Variants in PEAK1 observed in about 807,000 individuals in gnomAD.
PEAK1 encodes inactive tyrosine-protein kinase PEAK1.
In PEAK1, 54 loss-of-function variants were observed where a neutral mutation model predicts 124.7. The ratio of observed to expected loss-of-function variants is 0.43; its 90% CI spans 0.35 to 0.54. PEAK1 has a LOEUF of 0.54. Ranked by LOEUF, PEAK1 falls within the 20% of genes least tolerant of loss-of-function variation. The pLI is 0.01. For synonymous variants in PEAK1, 719 were observed against 760.0 expected (o/e 0.95, Z 0.89); for missense variants, 2,046 against 2,134.5 (o/e 0.96, Z 0.82).
In PEAK1 at chr15:77,180,544, A is replaced by G. The variant is rs754527282; in HGVS notation, c.1383T>C (p.Pro461=). ...NLVPTEEQAK[P]YRVVNLEQPL... is the part of the protein sequence containing the mutation. ...GCTGTTCCAGGTTCACAACTCGGTA[A>G]GGTTTTGCTTGCTCTTCTGTGGGGA... is the stretch of plus-strand genomic sequence containing the variant. Residue 461 remains proline (P), a synonymous_variant, in exon 7 of 10, where the codon CCT becomes CCC. Coordinates refer to ENST00000682557, the MANE Select transcript of PEAK1 (RefSeq NM_001385026.1). 1 of 1,614,000 alleles carries G rather than the reference A, an allele frequency of 6.2e-7. No homozygotes were observed. Among genetic ancestry groups the G allele is most frequent in the Non-Finnish European group, 8.5e-7 (1 of 1,180,012 alleles).
chr15:77,336,460 C>T (rs979686786), intron 2 of PEAK1: 2 of 985,260 alleles, frequency 2.0e-6, no homozygotes, highest in African/African-American at 1.7e-5. Flanking sequence ...ATTATTCACA[C>T]ATAAATAATT....
At chr15:77,196,138 G>T (rs2058091687) in intron 6 of PEAK1, among the ~76,000 whole-genome samples, 1 of 152,218 alleles carries the variant, frequency 6.6e-6, no homozygotes. Flanking sequence ...ATGGGTGAAG[G>T]ACAGATCAAA....
At position 77,180,896 on chromosome 15, in the gene PEAK1, G is replaced by C. The variant is rs1332466638; in HGVS notation, c.1031C>G (p.Pro344Arg). Reference sequence around the variant, plus strand: ...TGATTCTTCTGTTAAAGAAGAATCTGGTGATGTGGAGTCAGATGACACCAT... The same window carrying C: ...TGATTCTTCTGTTAAAGAAGAATCTCGTGATGTGGAGTCAGATGACACCAT... ...QSMVSSDSTS[P>R]DSSLTEESRS... The change falls in exon 7 of 10, where the codon CCA becomes CGA. Residue 344 changes from proline (P) to arginine (R), a missense_variant. Physicochemically the swap from Pro to Arg is moderately radical, Grantham distance 103. Coordinates refer to ENST00000682557, the MANE Select transcript of PEAK1 (RefSeq NM_001385026.1). The C allele has an allele frequency of 6.2e-7, 1 of 1,613,972 alleles. No individual in the cohort carries two copies. Among genetic ancestry groups the C allele is most frequent in the Non-Finnish European group, 8.5e-7 (1 of 1,179,984 alleles).
intron 2 of PEAK1, chr15:77,349,510 A>G (rs1173261547): frequency 4.1e-6 from 4 of 985,080 alleles, no homozygotes; most frequent in Non-Finnish European, 4.8e-6. Context: ...TTGGCTTAAT[A>G]TAATGTAGCA....
At chr15:77,285,186 G>A (rs1360806103) in intron 3 of PEAK1, 131 bp from the exon 4 acceptor site, 2 of 151,488 alleles carry the variant, frequency 1.3e-5, no homozygotes, top group South Asian at 2.1e-4. Context: ...CTAGCTATGT[G>A]ATCTCGGACA....
At chr15:77,225,237 A>G (rs1203902544) in intron 6 of PEAK1, among the ~76,000 whole-genome samples, 1 of 152,004 alleles carries the variant, frequency 6.6e-6, no homozygotes, top group East Asian at 1.9e-4. Context: ...TAGGCTTTCA[A>G]GTATCACACT....
At chr15:77,226,053 A>G (rs2059637839) in intron 6 of PEAK1, among the ~76,000 whole-genome samples, 1 of 84,926 alleles carries the variant, frequency 1.2e-5, no homozygotes, top group African/African-American at 4.5e-5. Context: ...GGATATATAT[A>G]TATATATATA....
chr15:77,114,346 A>C lies in PEAK1; in HGVS notation c.5051T>G (p.Leu1684Arg). ...LFQTFTACPS[L>R]VQRNTLLQNW... ...TTGGAGCAGGGTGTTCCTCTGTACT[A>C]GGCTAGGGCAGGCGGTGAAAGTCTG... Residue 1684 changes from leucine (L) to arginine (R), a missense_variant, in exon 10 of 10, where the codon CTA becomes CGA. Leu to Arg is a moderately radical substitution (Grantham distance 102, BLOSUM62 -2). Transcript: ENST00000682557. The C allele has an allele frequency of 6.2e-7, 1 of 1,614,198 alleles. No individual in the cohort carries two copies. Among genetic ancestry groups the C allele is most frequent in the Admixed American group, 1.7e-5 (1 of 60,032 alleles).
At chr15:77,356,324 A>T (rs538910938) in intron 2 of PEAK1, among the ~76,000 whole-genome samples, 1 of 152,336 alleles carries the variant, frequency 6.6e-6, no homozygotes, top group South Asian at 2.1e-4. Flanking sequence ...ACTACTTTAG[A>T]TCATTCAACT....
chr15:77,120,989 C>T (rs566898956), intron 9 of PEAK1, among the ~76,000 whole-genome samples: 84 of 152,252 alleles, frequency 5.5e-4, no homozygotes, highest in African/African-American at 2.0e-3. Flanking sequence ...ACCCTAAACC[C>T]CCTTTCTGTG....
intron 5 of PEAK1, among the ~76,000 whole-genome samples, chr15:77,269,431 A>C (rs1362546509): frequency 2.0e-5 from 3 of 152,216 alleles, no homozygotes; most frequent in Non-Finnish European, 4.4e-5. Flanking sequence ...GAGAGATACT[A>C]CATAATGATA....
At chr15:77,211,118 G>C (rs2058884246) in intron 6 of PEAK1, among the ~76,000 whole-genome samples, 2 of 152,078 alleles carry the variant, frequency 1.3e-5, no homozygotes, top group Admixed American at 6.6e-5. Flanking sequence ...TTCACATACT[G>C]CCTATACCTG....
intron 2 of PEAK1, among the ~76,000 whole-genome samples, chr15:77,290,563 T>C (rs1456514460): frequency 1.3e-5 from 2 of 151,700 alleles, no homozygotes; most frequent in Non-Finnish European, 2.9e-5. Flanking sequence ...TCTTCTTCTT[T>C]TTTTTTTTTG....
chr15:77,185,599 G>C, intron 6 of PEAK1, among the ~76,000 whole-genome samples: 1 of 152,198 alleles, frequency 6.6e-6, no homozygotes, highest in Non-Finnish European at 1.5e-5. Flanking sequence ...GAACTATTTG[G>C]TTCAGTGGTG....
At chr15:77,235,842 G>A (rs2060097495) in intron 6 of PEAK1, among the ~76,000 whole-genome samples, 2 of 152,230 alleles carry the variant, frequency 1.3e-5, no homozygotes, top group Non-Finnish European at 2.9e-5. Context: ...CTGCGTCCCA[G>A]CTGCTTCAGC....
rs189772179 is a variant in PEAK1 at position 77,269,186 on chromosome 15, T to C, written c.-275+14697A>G. On this transcript the variant is annotated intron_variant, in intron 5 of 9. Coordinates refer to ENST00000682557, the MANE Select transcript of PEAK1 (RefSeq NM_001385026.1). ...CATATCTCAATACTAATGTTGAAAG[T>C]AATGGGCCGAAATGCTCCACTTAAA... 1.9e-3 allele frequency among the ~76,000 whole-genome samples: 293 copies of C among 151,818 alleles called. 2 individuals carry two copies. Among genetic ancestry groups the C allele is most frequent in the Non-Finnish European group, 5.0e-4 (34 of 67,966 alleles).
chr15:77,351,920 T>C (rs1363419238), intron 2 of PEAK1: 6 of 985,270 alleles, frequency 6.1e-6, no homozygotes, highest in Admixed American at 6.2e-5. Flanking sequence ...GGTAGACCTA[T>C]TATAAGATTA....
chr15:77,161,891 AG>A, intron 7 of PEAK1, among the ~76,000 whole-genome samples: 1 of 141,594 alleles, frequency 7.1e-6, no homozygotes, highest in East Asian at 2.1e-4. Flanking sequence ...GCTTGAACTC[AG>A]GGGGCAGAGG....
chr15:77,316,362 A>G (rs2064872651), intron 2 of PEAK1, among the ~76,000 whole-genome samples: 1 of 152,172 alleles, frequency 6.6e-6, no homozygotes, highest in Admixed American at 6.5e-5. Context: ...GTATATGTAT[A>G]TATCTATTTA....
Sources: gnomAD v4.1 joint callset for allele counts (sites outside exome capture counted in the v4.1 genomes callset) on GRCh38, gnomAD v4.1.1 for gene constraint, MANE v1.5 for transcripts, NCBI Gene and HGNC (gene_info 2026-07-23, HGNC 2026-07-21) for gene names.